The following KIF26A variants were observed in gnomAD, a reference collection of about 807,000 sequenced individuals.
The protein encoded by KIF26A is kinesin-like protein KIF26A.
KIF26A carries 74 observed loss-of-function variants against 126.0 expected under a neutral mutation model. The ratio of observed to expected loss-of-function variants is 0.59; its 90% CI spans 0.49 to 0.71. The LOEUF (loss-of-function observed/expected upper bound fraction) is 0.71. KIF26A is among the 30% of genes least tolerant of loss of function. The pLI is 0.00. For missense variants in KIF26A, 2,984 were observed against 2,763.3 expected (o/e 1.08, Z -1.79); for synonymous variants, 1,445 against 1,232.7 (o/e 1.17, Z -3.61).
In KIF26A at chr14:104,175,598, A is replaced by G. The variant is rs74324704; in HGVS notation, c.2810A>G (p.Glu937Gly). The G allele has an allele frequency of 2.1e-3, 3,380 of 1,610,036 alleles. 69 individuals carry two copies. The African/African-American group carries it at 0.037, about 18-fold the overall frequency. The stretch of plus-strand genomic sequence containing the variant: ...GCTTGGCCTGAGCTGCTGGTCCCGG[A>G]AAAGGCTGCAGTGAGTGGAGGCAGG... The part of the protein sequence containing the change: ...SSAWPELLVP[E>G]KAAVSGGRRP... The change falls in exon 12 of 15, where the codon GAA (glutamate) becomes GGA (glycine). Residue 937 changes from glutamate (E) to glycine (G), a missense_variant. Coordinates refer to ENST00000423312, the MANE Select transcript of KIF26A (RefSeq NM_015656.2).
In KIF26A at chr14:104,148,490, TG is replaced by T. The variant is rs1414783403; in HGVS notation, c.289-3519del. 6.6e-6 allele frequency among the ~76,000 whole-genome samples: 1 copy of T among 151,686 alleles called. No homozygotes were observed. The highest frequency in any genetic ancestry group is 1.5e-5 in the Non-Finnish European group (1 of 67,916). ...TTTGAGGAGTTCAGATTCCTGAAAT[TG>T]GGGGGCAGTAACCCGTTGGGGGCTT... On this transcript the variant is annotated intron_variant, in intron 2 of 14. Transcript: ENST00000423312. The surrounding 1 kb of genome is among the most constrained non-coding windows in gnomAD (Gnocchi z 4.3).
chr14:104,173,652 G>A (rs2037984178), intron 9 of KIF26A, 54 bp from the exon 10 acceptor site: 1 of 1,589,928 alleles, frequency 6.3e-7, no homozygotes, highest in African/African-American at 1.3e-5. Context: ...GGGATGTGGA[G>A]CAGGATCTGG....
rs74087178 is a variant in KIF26A at position 104,141,691 on chromosome 14, C to T, written c.288+2403C>T. Among the ~76,000 whole-genome samples, 187 of 147,192 alleles carry T rather than the reference C, an allele frequency of 1.3e-3. 1 individual carries two copies. The highest frequency in any genetic ancestry group is 4.5e-3 in the African/African-American group (167 of 36,876). ...CTGCCGGGGTCTCCCTGCCTGTCTC[C>T]GTTGTAGAGGGAGGCGTAGAGGGTC... On this transcript the variant is annotated intron_variant, in intron 2 of 14. Transcript: ENST00000423312.
At position 104,152,873 on chromosome 14, in the gene KIF26A, A is replaced by T. The variant is rs541414529; in HGVS notation, c.735+412A>T. Among the ~76,000 whole-genome samples, 66 of 152,222 alleles carry T rather than the reference A, an allele frequency of 4.3e-4. No individual in the cohort carries two copies. Among genetic ancestry groups the T allele is most frequent in the Non-Finnish European group, 3.8e-4 (26 of 68,008 alleles). On this transcript the variant is annotated intron_variant, in intron 3 of 14. Coordinates refer to ENST00000423312, the MANE Select transcript of KIF26A (RefSeq NM_015656.2). This position sits in a 1 kb window ranked among gnomAD's most constrained non-coding sequence, Gnocchi z 5.9. ...GGAGGCCTGGGGGTGTGAGGCGTCC[A>T]TGGACGTCGGGCGGGGGACCGGCAG...
chr14:104,166,928 C>T lies in KIF26A; in HGVS notation c.993C>T (p.Arg331=), dbSNP rs551180470. 2.8e-5 allele frequency: 45 copies of T among 1,593,618 alleles called. No individual in the cohort carries two copies. Among genetic ancestry groups the T allele is most frequent in the African/African-American group, 1.5e-4 (11 of 74,544 alleles). Residue 331 remains arginine (R), a synonymous_variant, in exon 5 of 15, where the codon CGC becomes CGT. Coordinates refer to ENST00000423312, the MANE Select transcript of KIF26A (RefSeq NM_015656.2). ...KPHPPPPPAT[R]GTSTYPTDFS... is the part of the protein sequence containing the mutation. ...ACCCGCCACCGCCTCCAGCCACCCG[C>T]GGCACCTCCACCTACCCCACCGACT...
At chr14:104,139,998 T>C (rs573977270) in intron 2 of KIF26A, among the ~76,000 whole-genome samples, 1 of 152,222 alleles carries the variant, frequency 6.6e-6, no homozygotes, top group African/African-American at 2.4e-5. Flanking sequence ...GAACAATGCA[T>C]GCTGGAAGTT....
Position 104,175,842 on chromosome 14 carries a change from G to A in KIF26A, c.3054G>A (p.Val1018=). ...AGCGGGGCCTGCTCACCACCACAGT[G>A]ACCCTGCAGCGGCCAGTGGAGCTCA... is the stretch of plus-strand genomic sequence containing the variant. The part of the protein sequence containing the change: ...CPERGLLTTT[V]TLQRPVELNG... The change falls in exon 12 of 15, where the codon GTG becomes GTA. Residue 1018 remains valine (V), a synonymous_variant. Transcript: ENST00000423312. 6.5e-7 allele frequency: 1 copy of A among 1,538,980 alleles called. No individual in the cohort carries two copies. The highest frequency in any genetic ancestry group is 8.7e-7 in the Non-Finnish European group (1 of 1,147,262).
intron 2 of KIF26A, among the ~76,000 whole-genome samples, chr14:104,150,060 C>T (rs1000467653): frequency 6.6e-6 from 1 of 152,110 alleles, no homozygotes; most frequent in Non-Finnish European, 1.5e-5. Flanking sequence ...TGCCCACTGG[C>T]CGCATCAGCA....
At position 104,178,592 on chromosome 14, in the gene KIF26A, C is replaced by G. The variant is rs1242982049; in HGVS notation, c.5153C>G (p.Thr1718Ser). The G allele has an allele frequency of 2.0e-6, 3 of 1,536,478 alleles. No homozygotes were observed. The East Asian group carries it at 7.4e-5, about 38-fold the overall frequency. ...CTGATTCCCGCCCCACTGCCCGACA[C>G]CACTGCCCTGGGCCGTAAGCCCAGC... ...RRLIPAPLPD[T>S]TALGRKPSLP... Residue 1718 changes from threonine to serine, a missense_variant, in exon 13 of 15, where the codon ACC becomes AGC. Physicochemically the swap from Thr to Ser is moderately conservative, Grantham distance 58. Transcript: ENST00000423312.
In KIF26A at chr14:104,175,981, G is replaced by T; in HGVS notation, c.3193G>T (p.Ala1065Ser). Residue 1065 changes from alanine to serine, a missense_variant, in exon 12 of 15, where the codon GCC (alanine) becomes TCC (serine). Transcript: ENST00000423312. ...ASFDSDCSLRALASGSRPVSI... is the reference protein window; with the variant it reads ...ASFDSDCSLRSLASGSRPVSI... The stretch of plus-strand genomic sequence containing the variant: ...CTTCGACAGTGACTGCTCCCTGCGG[G>T]CCCTGGCCTCGGGGTCCCGGCCAGT... 1 of 1,578,616 alleles carries T rather than the reference G, an allele frequency of 6.3e-7. No individual in the cohort carries two copies. The highest frequency in any genetic ancestry group is 8.6e-7 in the Non-Finnish European group (1 of 1,168,958).
At chr14:104,150,926 A>T (rs1596134543) in intron 2 of KIF26A, among the ~76,000 whole-genome samples, 2 of 151,458 alleles carry the variant, frequency 1.3e-5, no homozygotes, top group Admixed American at 1.3e-4. Flanking sequence ...TAGCTGAGAC[A>T]CCCCTTGGGG....
At chr14:104,170,567 C>T (rs577830799) in intron 5 of KIF26A, among the ~76,000 whole-genome samples, 11 of 152,352 alleles carry the variant, frequency 7.2e-5, no homozygotes, top group East Asian at 1.9e-4. Context: ...ATTTGATTTA[C>T]GCTGTAGTGG....
chr14:104,142,747 C>G (rs1386192705), intron 2 of KIF26A, among the ~76,000 whole-genome samples: 1 of 152,216 alleles, frequency 6.6e-6, no homozygotes, highest in Non-Finnish European at 1.5e-5. Flanking sequence ...CTTCCCTCTC[C>G]CTGACCCCAG....
chr14:104,172,988 A>G lies in KIF26A; in HGVS notation c.1432A>G (p.Thr478Ala). The change falls in exon 8 of 15, where the codon ACC (threonine) becomes GCC (alanine). Residue 478 changes from threonine to alanine, a missense_variant. Thr to Ala is a moderately conservative substitution (Grantham distance 58, BLOSUM62 0). Transcript: ENST00000423312. ...FGHMSLGKSY[T>A]MIGKDSSPQS... The stretch of plus-strand genomic sequence containing the variant: ...TGCGTGGCCCCCAGGCAAGTCGTAC[A>G]CCATGATCGGGAAGGACAGCTCACC... The G allele has an allele frequency of 1.3e-6, 2 of 1,596,888 alleles. No homozygotes were observed. The highest frequency in any genetic ancestry group is 8.5e-7 in the Non-Finnish European group (1 of 1,170,294).
At chr14:104,162,722 C>G (rs955137965) in intron 4 of KIF26A, among the ~76,000 whole-genome samples, 2 of 152,062 alleles carry the variant, frequency 1.3e-5, no homozygotes, top group African/African-American at 4.8e-5. Flanking sequence ...GTGACCTCTC[C>G]CCATCCACTT....
chr14:104,169,600 G>A (rs1285108555), intron 5 of KIF26A, among the ~76,000 whole-genome samples: 3 of 152,196 alleles, frequency 2.0e-5, no homozygotes, highest in African/African-American at 4.8e-5. Flanking sequence ...CAGAAATGCC[G>A]CCTGAAAGGC....
rs552070789 is a variant in KIF26A, at chr14:104,174,173, C to T, written c.2056C>T (p.Arg686Cys). The T allele has an allele frequency of 8.8e-6, 14 of 1,589,308 alleles. No individual in the cohort carries two copies. Among genetic ancestry groups the T allele is most frequent in the East Asian group, 6.8e-5 (3 of 43,816 alleles). Residue 686 changes from arginine (R) to cysteine (C), a missense_variant, in exon 11 of 15, where the codon CGT (arginine) becomes TGT (cysteine). By Grantham distance (180) the Arg-to-Cys change is radical. Transcript: ENST00000423312. ...GGACCACAGGCTCACCATGCTGCTG[C>T]GTGAATCCCTGGCCACCGCTGGCTG... ...YRDHRLTMLL[R>C]ESLATAGCRT...
At position 104,179,644 on chromosome 14, in the gene KIF26A, G is replaced by A. The variant is rs377695088; in HGVS notation, c.5503G>A (p.Glu1835Lys). ...CCCGGAGCTGGAGCCCGAGTCGGCC[G>A]AGTACCTGGCGGCCCTGGAGCGAGC... Reference protein sequence around the residue: ...VDPELEPESAEYLAALERATA... With the variant: ...VDPELEPESAKYLAALERATA... The change falls in exon 15 of 15, where the codon GAG becomes AAG. Residue 1835 changes from glutamate (E) to lysine (K), a missense_variant. By Grantham distance (56) the Glu-to-Lys change is moderately conservative (BLOSUM62 1). Coordinates refer to ENST00000423312, the MANE Select transcript of KIF26A (RefSeq NM_015656.2). The A allele has an allele frequency of 1.9e-4, 295 of 1,544,614 alleles. 1 individual carries two copies. Among genetic ancestry groups the A allele is most frequent in the South Asian group, 1.3e-3 (110 of 83,506 alleles).
At position 104,167,032 on chromosome 14, in the gene KIF26A, C is replaced by T; in HGVS notation, c.1097C>T (p.Pro366Leu). ...GCCGCCTCCAAGACCAAGGACAACC[C>T]TGGCAGCATCGGGAAGGTAGACGCA... ...LRAASKTKDN[P>L]GSIGKVKVML... Residue 366 changes from proline to leucine, a missense_variant, in exon 5 of 15, where the codon CCT becomes CTT. Pro to Leu is a moderately conservative substitution (Grantham distance 98). Coordinates refer to ENST00000423312, the MANE Select transcript of KIF26A (RefSeq NM_015656.2). 6.4e-7 allele frequency: 1 copy of T among 1,565,908 alleles called. No homozygotes were observed. The highest frequency in any genetic ancestry group is 8.7e-7 in the Non-Finnish European group (1 of 1,156,050).
Sources: gnomAD v4.1 joint callset for allele counts (sites outside exome capture counted in the v4.1 genomes callset) on GRCh38, gnomAD v4.1.1 for gene constraint, Gnocchi (gnomAD v3.1) non-coding constraint, MANE v1.5 for transcripts, NCBI Gene and HGNC (gene_info 2026-07-23, HGNC 2026-07-21) for gene names.